ROPN1B: variants seen among roughly 807,000 people sequenced by gnomAD.
ROPN1B encodes ropporin-1B.
A neutral mutation model predicts 23.7 loss-of-function variants in ROPN1B; 13 were observed. The ratio of observed to expected loss-of-function variants is 0.55; its 90% CI spans 0.36 to 0.87. The LOEUF (loss-of-function observed/expected upper bound fraction) is 0.87, where lower values mean the gene tolerates loss of function less well. ROPN1B is among the 40% of genes least tolerant of loss of function. The pLI is 0.01. For missense variants in ROPN1B, 183 were observed against 249.2 expected, an observed-to-expected ratio of 0.73 and a Z score of 1.79; for synonymous variants, 67 against 100.4, an observed-to-expected ratio of 0.67 and a Z score of 1.99.
intron 5 of ROPN1B, among the ~76,000 whole-genome samples, chr3:125,981,844 T>C (rs1348950463): frequency 1.3e-5 from 2 of 152,200 alleles, no homozygotes; most frequent in African/African-American, 4.8e-5. Flanking sequence ...TTCTCTTACC[T>C]TCTTCTCCTC....
chr3:125,978,101 T>A (rs1938486684), intron 5 of ROPN1B: 1 of 152,228 alleles, frequency 6.6e-6, no homozygotes, highest in Admixed American at 6.5e-5. Context: ...ATCATTGCTT[T>A]AAAGAGAAGT....
intron 3 of ROPN1B, chr3:125,973,013 G>A (rs368526517): frequency 1.1e-4 from 41 of 378,468 alleles, no homozygotes; most frequent in East Asian, 7.2e-4. Context: ...AAACTTGCCT[G>A]CTTGAAACTG....
At chr3:125,973,742 C>G (rs573373119) in intron 3 of ROPN1B, 22 of 152,506 alleles carry the variant, frequency 1.4e-4, no homozygotes, top group Admixed American at 1.1e-3. Flanking sequence ...GACCTAAGAG[C>G]CCCCTCCATT....
At chr3:125,973,449 T>C (rs559017388) in intron 3 of ROPN1B, 3 of 174,718 alleles carry the variant, frequency 1.7e-5, no homozygotes, top group Non-Finnish European at 2.5e-5. Context: ...TTTTATATAT[T>C]GCCTCTAAGA....
chr3:125,982,260 A>G lies in ROPN1B; in HGVS notation c.397-10A>G. ...AGTAACTTTCTCCTCATTTTATGTAACTTTTATAGACTATTACCAAAACTC... is the reference window on the plus strand; with the variant it reads ...AGTAACTTTCTCCTCATTTTATGTAGCTTTTATAGACTATTACCAAAACTC... On this transcript the variant is annotated splice_polypyrimidine_tract_variant and intron_variant, in intron 5 of 6. Coordinates refer to ENST00000514116, the MANE Select transcript of ROPN1B (RefSeq NM_001308313.2). The G allele has an allele frequency of 1.3e-6, 2 of 1,583,660 alleles. No homozygotes were observed. The highest frequency in any genetic ancestry group is 2.4e-5 in the South Asian group (2 of 83,882).
intron 5 of ROPN1B, among the ~76,000 whole-genome samples, chr3:125,979,510 A>G (rs1432716952): frequency 6.6e-6 from 1 of 152,222 alleles, no homozygotes; most frequent in East Asian, 1.9e-4. Context: ...AGAAGGCATC[A>G]TTCATGAGGA....
chr3:125,972,151 C>G lies in ROPN1B; in HGVS notation c.97C>G (p.Leu33Val), dbSNP rs760344612. 1 of 1,614,224 alleles carries G rather than the reference C, an allele frequency of 6.2e-7. No homozygotes were observed. Among genetic ancestry groups the G allele is most frequent in the African/African-American group, 1.3e-5 (1 of 75,062 alleles). ...KAAIRAQPQD[L>V]IQWGADYFEA... Reference sequence around the variant, plus strand: ...CGCCATTCGGGCGCAGCCGCAGGACCTCATCCAGTGGGGGGCCGAGTACGT... The same window carrying G: ...CGCCATTCGGGCGCAGCCGCAGGACGTCATCCAGTGGGGGGCCGAGTACGT... Residue 33 changes from leucine (L) to valine (V), a missense_variant, in exon 3 of 7, where the codon CTC becomes GTC. Physicochemically the swap from Leu to Val is conservative, Grantham distance 32. Around this residue, in one of 3 missense-constraint regions of ROPN1B, gnomAD observed 97 missense variants for 99.6 expected, o/e 0.97. Transcript: ENST00000514116.
chr3:125,973,962 G>A (rs1001822370), intron 3 of ROPN1B: 3 of 153,744 alleles, frequency 2.0e-5, no homozygotes, highest in Non-Finnish European at 4.4e-5. Context: ...TCCTCTGGTA[G>A]GCATGTGTTA....
At position 125,972,243 on chromosome 3, in the gene ROPN1B, T is replaced by C. The variant is rs146423466; in HGVS notation, c.116+73T>C. On this transcript the variant is annotated intron_variant, in intron 3 of 6. Coordinates refer to ENST00000514116, the MANE Select transcript of ROPN1B (RefSeq NM_001308313.2). Reference sequence around the variant, plus strand: ...AGAGGGTCCTGTAAAACCGCGGAGGTTGTCATGGCTGCAGCCAGGGGGTCG... The same window carrying C: ...AGAGGGTCCTGTAAAACCGCGGAGGCTGTCATGGCTGCAGCCAGGGGGTCG... The C allele has an allele frequency of 3.0e-3, 4,323 of 1,453,664 alleles. 76 individuals carry two copies. The Admixed American group carries it at 0.036, about 12-fold the overall frequency. 90.0% of individuals were successfully genotyped at this position (1,453,664 alleles called of 1,614,324 possible).
At chr3:125,979,499 T>G (rs566478836) in intron 5 of ROPN1B, among the ~76,000 whole-genome samples, 1 of 152,266 alleles carries the variant, frequency 6.6e-6, no homozygotes, top group Middle Eastern at 3.4e-3. Flanking sequence ...TGAGGACACA[T>G]AGAAGGCATC....
rs1252056116 is a variant in ROPN1B, at chr3:125,975,630, T to G, written c.184T>G (p.Cys62Gly). ...VRERSERVAL[C>G]NWAELTPELL... ...AGAGCGGTCTGAGCGAGTCGCTTTG[T>G]GTAACTGGGCAGAGCTAACACCTGA... Residue 62 changes from cysteine to glycine, a missense_variant, in exon 4 of 7, where the codon TGT (cysteine) becomes GGT (glycine). This residue lies in a region of ROPN1B where 97 missense variants were observed against 99.6 expected (regional missense o/e 0.97). Transcript: ENST00000514116. 6.2e-7 allele frequency: 1 copy of G among 1,614,090 alleles called. No homozygotes were observed. The highest frequency in any genetic ancestry group is 2.2e-5 in the East Asian group (1 of 44,882).
At chr3:125,971,388 G>A (rs1938198015) in intron 2 of ROPN1B, among the ~76,000 whole-genome samples, 1 of 152,146 alleles carries the variant, frequency 6.6e-6, no homozygotes, top group Admixed American at 6.5e-5. Context: ...TTGATCTGTT[G>A]TTTATTTGTG....
rs1938189401 is a variant in ROPN1B, at chr3:125,971,174, TTTC to T, written c.-13+16_-13+18del. 1 of 153,156 alleles carries T rather than the reference TTTC, an allele frequency of 6.5e-6. No homozygotes were observed. The allele number at this position is 153,156 out of a possible 1,614,324, so 9.5% of individuals were successfully genotyped here. On this transcript the variant is annotated intron_variant, in intron 2 of 6. Coordinates refer to ENST00000514116, the MANE Select transcript of ROPN1B (RefSeq NM_001308313.2). ...CTACATGTGCCCAGGTGAGCCCTAGTTTCTTCATTTGCCCAGCACTGCGGGTTC... is the reference window on the plus strand; with the variant it reads ...CTACATGTGCCCAGGTGAGCCCTAGTTTCATTTGCCCAGCACTGCGGGTTC...
Position 125,972,106 on chromosome 3 carries a change from C to G in ROPN1B, c.52C>G (p.Leu18Val). ...CATCCCGCCGGAGCTGCCGAAAATGCTGAAGGAGTTTGCCAAAGCCGCCAT... is the reference window on the plus strand; with the variant it reads ...CATCCCGCCGGAGCTGCCGAAAATGGTGAAGGAGTTTGCCAAAGCCGCCAT... ...TCIPPELPKM[L>V]KEFAKAAIRA... The change falls in exon 3 of 7, where the codon CTG (leucine) becomes GTG (valine). Residue 18 changes from leucine (L) to valine (V), a missense_variant. Physicochemically the swap from Leu to Val is conservative, Grantham distance 32. This residue lies in a region of ROPN1B where 97 missense variants were observed against 99.6 expected (regional missense o/e 0.97). Coordinates refer to ENST00000514116, the MANE Select transcript of ROPN1B (RefSeq NM_001308313.2). 1.2e-6 allele frequency: 2 copies of G among 1,614,204 alleles called. No homozygotes were observed. The highest frequency in any genetic ancestry group is 1.7e-6 in the Non-Finnish European group (2 of 1,180,032).
At chr3:125,971,227 T>G (rs1237947764) in intron 2 of ROPN1B, 65 bp downstream of exon 2, 1 of 152,324 alleles carries the variant, frequency 6.6e-6, no homozygotes, top group African/African-American at 2.4e-5. Context: ...CATTGGCCAC[T>G]GGAAGATTTC....
At chr3:125,973,853 A>T (rs1380792574) in intron 3 of ROPN1B, 1 of 153,618 alleles carries the variant, frequency 6.5e-6, no homozygotes, top group East Asian at 1.9e-4. Flanking sequence ...TTCCAAGACA[A>T]AATACGTTTT....
chr3:125,976,399 T>C (rs923660744), intron 4 of ROPN1B, among the ~76,000 whole-genome samples: 12 of 152,318 alleles, frequency 7.9e-5, no homozygotes, highest in African/African-American at 2.9e-4. Flanking sequence ...CAACCAGTCA[T>C]CTTCTCTCCT....
chr3:125,980,860 C>T (rs1171377355), intron 5 of ROPN1B, among the ~76,000 whole-genome samples: 1 of 152,126 alleles, frequency 6.6e-6, no homozygotes, highest in Non-Finnish European at 1.5e-5. Context: ...ACAAGCATGA[C>T]TTACCATCCT....
intron 5 of ROPN1B, among the ~76,000 whole-genome samples, chr3:125,978,517 C>G (rs552260316): frequency 1.3e-5 from 2 of 152,334 alleles, no homozygotes; most frequent in African/African-American, 4.8e-5. Context: ...TCACCACGCT[C>G]TCTTCTCCAA....
Sources: allele counts gnomAD v4.1 joint callset (sites outside exome capture counted in the v4.1 genomes callset), GRCh38; gene constraint gnomAD v4.1.1; regional missense constraint gnomAD v4.1.1; transcripts MANE v1.5; gene names NCBI Gene and HGNC (gene_info 2026-07-23, HGNC 2026-07-21).